The following KIF3A variants were observed in gnomAD, a reference collection of about 807,000 sequenced individuals.
The protein encoded by KIF3A is kinesin-like protein KIF3A.
A neutral mutation model predicts 92.6 loss-of-function variants in KIF3A; 27 were observed. That is an observed-to-expected ratio of 0.29 (90% CI 0.21 to 0.40). KIF3A has a LOEUF of 0.40. Among genes scored for constraint, KIF3A ranks in the 10% least tolerant of loss-of-function variants. KIF3A has a pLI of 1.00. For synonymous variants in KIF3A, 250 were observed against 275.4 expected, an observed-to-expected ratio of 0.91 and a Z score of 0.92; for missense variants, 581 against 872.6, an observed-to-expected ratio of 0.67 and a Z score of 4.21.
At chr5:132,724,816 TATATATATATATATATATATA>T in intron 4 of KIF3A, among the ~76,000 whole-genome samples, 1 of 10,932 alleles carries the variant, frequency 9.1e-5, no homozygotes. Flanking sequence ...AATATATATA[TATATATATATATATATATATA>T]TATATATATA....
At position 132,720,535 on chromosome 5, in the gene KIF3A, G is replaced by A. The variant is rs1753789838; in HGVS notation, c.616+74C>T. The stretch of plus-strand genomic sequence containing the variant: ...AAATCCAGTCTCTACAGGGTAAAGT[G>A]CCATACCAAATTTGCTTCTAAACCA... On this transcript the variant is annotated intron_variant, in intron 5 of 18. Transcript: ENST00000403231. 9.8e-6 allele frequency: 8 copies of A among 817,578 alleles called. No homozygotes were observed. In the Middle Eastern group the frequency reaches 9.1e-4, roughly 93 times the overall value. The allele number at this position is 817,578 out of a possible 1,614,324, so 50.6% of individuals were successfully genotyped here.
chr5:132,717,470 T>C (rs191997246), intron 5 of KIF3A, among the ~76,000 whole-genome samples: 10 of 152,062 alleles, frequency 6.6e-5, no homozygotes, highest in Non-Finnish European at 8.8e-5. Context: ...AGCTTGAACA[T>C]ATAAACCACA....
rs1168638060 is a variant in KIF3A, at chr5:132,693,776, G to C, written c.*2858C>G. ...GCGGGCGGATCACAAAGTCAGGTGA[G>C]ACCAGCCTGGCCAACATGGTGAAAC... On this transcript the variant is annotated 3_prime_UTR_variant, in exon 19 of 19. Transcript: ENST00000403231. 1 of 150,772 alleles carries C rather than the reference G, an allele frequency of 6.6e-6. No individual in the cohort carries two copies. Among genetic ancestry groups the C allele is most frequent in the Non-Finnish European group, 1.5e-5 (1 of 67,694 alleles). The allele number at this position is 150,772 out of a possible 1,614,324, so 9.3% of individuals were successfully genotyped here. A position where few individuals can be genotyped will look rare whatever the true frequency, so the allele number is the denominator to read the frequency against.
Position 132,701,927 on chromosome 5 carries a change from T to C in KIF3A, c.1884+160A>G, listed in dbSNP as rs150975066. On this transcript the variant is annotated intron_variant, in intron 15 of 18. Transcript: ENST00000403231. The stretch of plus-strand genomic sequence containing the variant: ...GCTAGATACTCAAACAGAGATTATG[T>C]ATTAAAAGTTAACAACTAAAGTGAA... Among the ~76,000 whole-genome samples the C allele has an allele frequency of 5.7e-4, 87 of 152,316 alleles. 1 individual carries two copies. Among genetic ancestry groups the C allele is most frequent in the African/African-American group, 2.0e-3 (85 of 41,568 alleles).
intron 5 of KIF3A, among the ~76,000 whole-genome samples, 159 bp from the exon 6 acceptor site, chr5:132,717,143 T>C (rs1561702859): frequency 6.6e-6 from 1 of 152,224 alleles, no homozygotes; most frequent in East Asian, 1.9e-4. Flanking sequence ...AGCCACTACA[T>C]GAAATTTCTC....
At chr5:132,691,877 G>A (rs1188567809), downstream of KIF3A, among the ~76,000 whole-genome samples, 2 of 149,832 alleles carry the variant, frequency 1.3e-5, no homozygotes, top group African/African-American at 2.5e-5. Flanking sequence ...ACTCCAGCCC[G>A]GGCAACAAGA....
At chr5:132,728,329 T>C (rs971343499) in intron 2 of KIF3A, among the ~76,000 whole-genome samples, 10 of 152,138 alleles carry the variant, frequency 6.6e-5, no homozygotes, top group Admixed American at 5.9e-4. Context: ...GTAATCCACC[T>C]GTAAATAGCT....
chr5:132,689,752 CA>C (rs1248015390), downstream of KIF3A: 3 of 152,132 alleles, frequency 2.0e-5, no homozygotes, highest in Non-Finnish European at 4.4e-5. Context: ...AGAAGAGGGG[CA>C]AAGGGGGAAA....
chr5:132,692,136 G>C (rs1411642945), downstream of KIF3A, among the ~76,000 whole-genome samples: 1 of 152,122 alleles, frequency 6.6e-6, no homozygotes, highest in Non-Finnish European at 1.5e-5. Context: ...GATAGAGCTA[G>C]AGGCTATTAT....
At chr5:132,709,362 A>G (rs1024049624) in intron 9 of KIF3A, among the ~76,000 whole-genome samples, 1 of 152,242 alleles carries the variant, frequency 6.6e-6, no homozygotes, top group Admixed American at 6.5e-5. Flanking sequence ...TTTAAAACTC[A>G]AAGTCATACA....
rs530453060 is a variant in KIF3A, at chr5:132,728,630, G to A, written c.281-2132C>T. 1.7e-4 allele frequency among the ~76,000 whole-genome samples: 26 copies of A among 152,024 alleles called. 1 individual carries two copies. Among genetic ancestry groups the A allele is most frequent in the African/African-American group, 5.5e-4 (23 of 41,480 alleles). On this transcript the variant is annotated intron_variant, in intron 2 of 18. Coordinates refer to ENST00000403231, the MANE Select transcript of KIF3A (RefSeq NM_001300791.2). ...CACATGCCTGTAGTCCCAGCTACTC[G>A]GGAAGGTGAAGCACAAGAATTGCTT...
At chr5:132,724,914 G>C (rs1051501913) in intron 4 of KIF3A, among the ~76,000 whole-genome samples, 7 of 134,744 alleles carry the variant, frequency 5.2e-5, no homozygotes, top group Admixed American at 2.3e-4. Flanking sequence ...AAACTCCCTG[G>C]CATAACAGGA....
chr5:132,691,825 C>T (rs1355822048), downstream of KIF3A, among the ~76,000 whole-genome samples: 5 of 151,750 alleles, frequency 3.3e-5, no homozygotes, highest in African/African-American at 1.2e-4. Context: ...TTGCTTGAAT[C>T]CAGGAGGTGG....
chr5:132,721,509 T>G (rs1283200379), intron 4 of KIF3A: 1 of 152,124 alleles, frequency 6.6e-6, no homozygotes, highest in Non-Finnish European at 1.5e-5. Context: ...TAGGAAGACC[T>G]CATAGACATC....
chr5:132,702,709 TAAAATC>T, intron 13 of KIF3A, 41 bp from the exon 14 acceptor site: 4 of 1,427,472 alleles, frequency 2.8e-6, no homozygotes, highest in Non-Finnish European at 3.9e-6. Context: ...AATTTCTTTG[TAAAATC>T]AAATATCTAA....
At position 132,733,619 on chromosome 5, in the gene KIF3A, G is replaced by A. The variant is rs145467983; in HGVS notation, c.280+586C>T. Among the ~76,000 whole-genome samples, 5 of 152,236 alleles carry A rather than the reference G, an allele frequency of 3.3e-5. No homozygotes were observed. The East Asian group carries it at 5.8e-4, about 18-fold the overall frequency. ...CCAGTCTTTACAAAAACAAAAAAAT[G>A]AGCCAGGTGTGGTGGCGCACAGCTG... is the stretch of plus-strand genomic sequence containing the variant. On this transcript the variant is annotated intron_variant, in intron 2 of 18. Coordinates refer to ENST00000403231, the MANE Select transcript of KIF3A (RefSeq NM_001300791.2).
At chr5:132,731,389 TA>T (rs200263152) in intron 2 of KIF3A, among the ~76,000 whole-genome samples, 6 of 150,720 alleles carry the variant, frequency 4.0e-5, no homozygotes, top group African/African-American at 1.5e-4. Flanking sequence ...TAACAAACCT[TA>T]AAAAAAAAGA....
At chr5:132,736,454 T>C (rs761756009) in intron 1 of KIF3A, among the ~76,000 whole-genome samples, 2 of 152,228 alleles carry the variant, frequency 1.3e-5, no homozygotes, top group East Asian at 1.9e-4. Context: ...CTTACGTCTG[T>C]AAATATGTAT....
chr5:132,713,918 T>C (rs1753523027), intron 8 of KIF3A, among the ~76,000 whole-genome samples: 1 of 122,020 alleles, frequency 8.2e-6, no homozygotes, highest in Non-Finnish European at 1.7e-5. Context: ...TTTTTTGAGA[T>C]GGGAGTCTCA....
Sources: gnomAD v4.1 joint callset for allele counts (sites outside exome capture counted in the v4.1 genomes callset) on GRCh38, gnomAD v4.1.1 for gene constraint, MANE v1.5 for transcripts, NCBI Gene and HGNC (gene_info 2026-07-23, HGNC 2026-07-21) for gene names.